WNT7B: variants seen among roughly 807,000 people sequenced by gnomAD.
WNT7B encodes protein Wnt-7b.
Under a neutral mutation model 38.2 loss-of-function variants are expected in WNT7B, and 19 were observed. That is an observed-to-expected ratio of 0.50 (90% CI 0.35 to 0.73). The LOEUF is 0.73. Ranked by LOEUF, WNT7B falls within the 30% of genes least tolerant of loss-of-function variation. The pLI is 0.01. For synonymous variants in WNT7B, 243 were observed against 209.3 expected, an observed-to-expected ratio of 1.16 and a Z score of -1.39; for missense variants, 423 against 507.9, an observed-to-expected ratio of 0.83 and a Z score of 1.61.
At chr22:45,958,305 A>C (rs1029423584) in intron 1 of WNT7B, among the ~76,000 whole-genome samples, 1 of 152,156 alleles carries the variant, frequency 6.6e-6, no homozygotes, top group Non-Finnish European at 1.5e-5. Flanking sequence ...GTGACCTGTC[A>C]TCTTACTCTT....
At chr22:45,960,626 G>A (rs571056661) in intron 1 of WNT7B, among the ~76,000 whole-genome samples, 1 of 152,360 alleles carries the variant, frequency 6.6e-6, no homozygotes, top group African/African-American at 2.4e-5. Context: ...CTTCTGGCCC[G>A]GGGCGCTTTG....
intron 2 of WNT7B, among the ~76,000 whole-genome samples, chr22:45,944,303 C>A (rs1240633933): frequency 2.0e-5 from 3 of 152,210 alleles, no homozygotes; most frequent in Non-Finnish European, 2.9e-5. Flanking sequence ...CCAGCAGCCG[C>A]CTAGCCCACA....
chr22:45,930,519 C>T (rs951184015), intron 3 of WNT7B, among the ~76,000 whole-genome samples: 1 of 152,214 alleles, frequency 6.6e-6, no homozygotes, highest in Non-Finnish European at 1.5e-5. Context: ...GCCCGGCTTG[C>T]TCTGACTTCT....
At chr22:45,944,823 GCTGA>G (rs777445064) in intron 2 of WNT7B, among the ~76,000 whole-genome samples, 1 of 152,122 alleles carries the variant, frequency 6.6e-6, no homozygotes, top group Non-Finnish European at 1.5e-5. Flanking sequence ...CCACCCCCGC[GCTGA>G]CTGTCCTCCG....
At chr22:45,923,919 G>A (rs759449843) in intron 3 of WNT7B, among the ~76,000 whole-genome samples, 17 of 152,142 alleles carry the variant, frequency 1.1e-4, no homozygotes, top group South Asian at 6.2e-4. Flanking sequence ...AGCGAGGCCC[G>A]GGCATGCTGA....
intron 2 of WNT7B, among the ~76,000 whole-genome samples, chr22:45,944,029 G>A (rs1438858482): frequency 6.6e-6 from 1 of 152,166 alleles, no homozygotes; most frequent in African/African-American, 2.4e-5. Context: ...AATCCTGGCA[G>A]AGTCCCAGCC....
chr22:45,970,430 G>A (rs914643100), intron 1 of WNT7B, among the ~76,000 whole-genome samples: 29 of 134,330 alleles, frequency 2.2e-4, no homozygotes, highest in African/African-American at 8.3e-4. Flanking sequence ...GAGGTACACT[G>A]GGCACCACCT....
chr22:45,950,493 G>A (rs938802809), intron 1 of WNT7B, among the ~76,000 whole-genome samples: 1 of 152,248 alleles, frequency 6.6e-6, no homozygotes, highest in Non-Finnish European at 1.5e-5. Flanking sequence ...TGCTTGGGAT[G>A]TGGCAGCCGC....
At chr22:45,932,101 C>A (rs961841336) in intron 2 of WNT7B, among the ~76,000 whole-genome samples, 1 of 152,200 alleles carries the variant, frequency 6.6e-6, no homozygotes, top group Admixed American at 6.5e-5. Flanking sequence ...TTCATCTCCC[C>A]AGCCACCAGC....
intron 1 of WNT7B, among the ~76,000 whole-genome samples, chr22:45,958,063 C>T (rs889480182): frequency 1.3e-5 from 2 of 152,254 alleles, no homozygotes; most frequent in Non-Finnish European, 2.9e-5. Context: ...GGTGGAGTGG[C>T]CTCCTGCTCT....
At chr22:45,937,326 C>T (rs988728555) in intron 2 of WNT7B, among the ~76,000 whole-genome samples, 3 of 152,218 alleles carry the variant, frequency 2.0e-5, no homozygotes, top group African/African-American at 2.4e-5. Flanking sequence ...AGTCTGACAC[C>T]CTGCCTTCAA....
At chr22:45,930,567 A>C (rs1931310652) in intron 3 of WNT7B, among the ~76,000 whole-genome samples, 1 of 151,768 alleles carries the variant, frequency 6.6e-6, no homozygotes, top group African/African-American at 2.4e-5. Flanking sequence ...CTCCATTGCC[A>C]CCCACCACAC....
chr22:45,936,735 C>A (rs1931523144), intron 2 of WNT7B, among the ~76,000 whole-genome samples: 1 of 152,252 alleles, frequency 6.6e-6, no homozygotes, highest in Non-Finnish European at 1.5e-5. Context: ...CAGAGCTGCG[C>A]CCTCATCCAC....
At chr22:45,963,626 C>T (rs1402413713) in intron 1 of WNT7B, among the ~76,000 whole-genome samples, 1 of 152,180 alleles carries the variant, frequency 6.6e-6, no homozygotes, top group Non-Finnish European at 1.5e-5. Context: ...AAGAGCAGGA[C>T]CAGACCCTGT....
chr22:45,960,721 G>C (rs910263018), intron 1 of WNT7B, among the ~76,000 whole-genome samples: 4 of 152,212 alleles, frequency 2.6e-5, no homozygotes, highest in Admixed American at 2.0e-4. Flanking sequence ...GGCGGGCCTG[G>C]GTCCACCCAT....
At position 45,950,088 on chromosome 22, in the gene WNT7B, G is replaced by A. The variant is rs1931895962; in HGVS notation, c.130C>T (p.Leu44=). The stretch of plus-strand genomic sequence containing the variant: ...CAGATGGCACGCTGCCGCGGGGCTA[G>A]GCCAGGAATCTTGTTGCAGATGATG... ...ANIICNKIPG[L]APRQRAICQS... Residue 44 remains leucine (L), a synonymous_variant, in exon 2 of 4, where the codon CTA becomes TTA. Transcript: ENST00000339464. 1 of 1,614,068 alleles carries A rather than the reference G, an allele frequency of 6.2e-7. No individual in the cohort carries two copies.
chr22:45,957,594 G>T (rs527517057), intron 1 of WNT7B, among the ~76,000 whole-genome samples: 5 of 133,162 alleles, frequency 3.8e-5, no homozygotes, highest in Non-Finnish European at 6.2e-5. Context: ...TGAGGAAGGA[G>T]AATTGCTTGA....
At chr22:45,945,574 C>G (rs1369662872) in intron 2 of WNT7B, among the ~76,000 whole-genome samples, 1 of 152,236 alleles carries the variant, frequency 6.6e-6, no homozygotes, top group Non-Finnish European at 1.5e-5. Context: ...CACTTCCCTG[C>G]CAGAGGTGGC....
At chr22:45,971,591 C>T (rs547519340) in intron 1 of WNT7B, among the ~76,000 whole-genome samples, 21 of 152,348 alleles carry the variant, frequency 1.4e-4, no homozygotes, top group Middle Eastern at 3.4e-3. Context: ...GGTGAGGACT[C>T]GGCAGGGGCA....
Sources: allele counts gnomAD v4.1 joint callset (sites outside exome capture counted in the v4.1 genomes callset), GRCh38; gene constraint gnomAD v4.1.1; transcripts MANE v1.5; gene names NCBI Gene and HGNC (gene_info 2026-07-23, HGNC 2026-07-21).